THSD7A: variants seen among roughly 807,000 people sequenced by gnomAD.
The protein encoded by THSD7A is thrombospondin type 1 domain containing 7A, also known as thrombospondin type-1 domain-containing protein 7A.
THSD7A carries 96 observed loss-of-function variants against 231.3 expected under a neutral mutation model. That is an observed-to-expected ratio of 0.41 (90% CI 0.35 to 0.49). THSD7A has a LOEUF of 0.49. Ranked by LOEUF, THSD7A falls within the 20% of genes least tolerant of loss-of-function variation. THSD7A has a pLI of 0.05. For synonymous variants in THSD7A, 940 were observed against 743.3 expected (o/e 1.26, Z -4.30); for missense variants, 2,290 against 2,070.2 (o/e 1.11, Z -2.06).
intron 11 of THSD7A, among the ~76,000 whole-genome samples, chr7:11,459,719 T>C (rs1287676364): frequency 2.2e-5 from 3 of 136,806 alleles, no homozygotes; most frequent in Non-Finnish European, 4.6e-5. Context: ...AGAAGCATTT[T>C]TTTCTTAAAA....
chr7:11,493,425 C>T (rs1053894986), intron 6 of THSD7A, among the ~76,000 whole-genome samples: 1 of 152,044 alleles, frequency 6.6e-6, no homozygotes, highest in African/African-American at 2.4e-5. Flanking sequence ...TTCTAAAAAT[C>T]CTATCTTCAG....
chr7:11,435,062 C>G (rs950881108), intron 13 of THSD7A, among the ~76,000 whole-genome samples: 2 of 151,716 alleles, frequency 1.3e-5, no homozygotes, highest in African/African-American at 4.8e-5. Context: ...TTCATATCTG[C>G]TAAGTATTTA....
At position 11,384,746 on chromosome 7, in the gene THSD7A, G is replaced by C. The variant is rs542802977; in HGVS notation, c.4412-2130C>G. The C allele has an allele frequency of 4.6e-5, 7 of 151,970 alleles. No individual in the cohort carries two copies. In the South Asian group the frequency reaches 6.2e-4, roughly 14 times the overall value. The allele number at this position is 151,970 out of a possible 1,614,324, so 9.4% of individuals were successfully genotyped here. On this transcript the variant is annotated intron_variant, in intron 23 of 27. Coordinates refer to ENST00000423059, the MANE Select transcript of THSD7A (RefSeq NM_015204.3). ...TTTAACTATTGATGCTTTAGAGTAAGTCTTGATATAAAGCCATGTAAGTCC... is the reference window on the plus strand; with the variant it reads ...TTTAACTATTGATGCTTTAGAGTAACTCTTGATATAAAGCCATGTAAGTCC...
intron 2 of THSD7A, among the ~76,000 whole-genome samples, chr7:11,622,670 A>G (rs757970284): frequency 1.3e-5 from 2 of 152,134 alleles, no homozygotes; most frequent in Non-Finnish European, 2.9e-5. Context: ...TATCTTAAAC[A>G]GGACCACCAG....
chr7:11,689,915 G>T (rs534168637), intron 1 of THSD7A, among the ~76,000 whole-genome samples: 1 of 149,056 alleles, frequency 6.7e-6, no homozygotes, highest in African/African-American at 2.4e-5. Flanking sequence ...CAAATCTTTA[G>T]TTGTTACTAC....
At chr7:11,476,843 T>TAAAAAAAAAAAAA (rs1562641302) in intron 7 of THSD7A, among the ~76,000 whole-genome samples, 1 of 131,694 alleles carries the variant, frequency 7.6e-6, no homozygotes, top group African/African-American at 2.5e-5. Flanking sequence ...AAAGATAGTG[T>TAAAAAAAAAAAAA]AGAAAGCGAT....
chr7:11,408,283 C>T (rs1272803310), intron 19 of THSD7A, among the ~76,000 whole-genome samples: 1 of 151,956 alleles, frequency 6.6e-6, no homozygotes, highest in South Asian at 2.1e-4. Context: ...CCGAGGTGGG[C>T]GGATCACCTG....
chr7:11,490,690 T>C (rs1441922283), intron 6 of THSD7A, among the ~76,000 whole-genome samples: 1 of 152,084 alleles, frequency 6.6e-6, no homozygotes, highest in Non-Finnish European at 1.5e-5. Flanking sequence ...TGTGATTTCA[T>C]TCCTCTCAGT....
At chr7:11,557,862 G>T (rs1286708388) in intron 4 of THSD7A, among the ~76,000 whole-genome samples, 5 of 152,102 alleles carry the variant, frequency 3.3e-5, no homozygotes, top group Non-Finnish European at 5.9e-5. Context: ...CCACCTAGTG[G>T]GAGTGTTGAG....
chr7:11,634,812 TGAGA>T lies in THSD7A; in HGVS notation c.1022+1314_1022+1317del, dbSNP rs2128359460. On this transcript the variant is annotated intron_variant, in intron 2 of 27. Coordinates refer to ENST00000423059, the MANE Select transcript of THSD7A (RefSeq NM_015204.3). The surrounding 1 kb of genome is among the most constrained non-coding windows in gnomAD (Gnocchi z 4.1). Reference sequence around the variant, plus strand: ...AAAAACAGTAACCAGAACTCTATGATGAGAGAAAGTTATTGTCTTAGACAGACCA... The same window carrying T: ...AAAAACAGTAACCAGAACTCTATGATGAAAGTTATTGTCTTAGACAGACCA... 6.6e-6 allele frequency among the ~76,000 whole-genome samples: 1 copy of T among 152,200 alleles called. No individual in the cohort carries two copies. Among genetic ancestry groups the T allele is most frequent in the Admixed American group, 6.5e-5 (1 of 15,288 alleles).
At chr7:11,463,271 A>G (rs895305051) in intron 9 of THSD7A, among the ~76,000 whole-genome samples, 1 of 152,178 alleles carries the variant, frequency 6.6e-6, no homozygotes, top group African/African-American at 2.4e-5. Flanking sequence ...ATATTCTTCA[A>G]CACGGTCTGG....
At chr7:11,389,846 G>T (rs1164244804) in intron 23 of THSD7A, among the ~76,000 whole-genome samples, 4 of 152,154 alleles carry the variant, frequency 2.6e-5, no homozygotes, top group Non-Finnish European at 5.9e-5. Context: ...TGTCTGTAAA[G>T]AATTTTATTT....
chr7:11,415,885 C>G (rs1348341258), intron 17 of THSD7A, among the ~76,000 whole-genome samples: 2 of 152,138 alleles, frequency 1.3e-5, no homozygotes, highest in Admixed American at 6.5e-5. Flanking sequence ...GTTTCTGAAC[C>G]TCACTTCTGT....
At chr7:11,547,222 G>A (rs544482651) in intron 4 of THSD7A, among the ~76,000 whole-genome samples, 6 of 152,222 alleles carry the variant, frequency 3.9e-5, no homozygotes, top group Admixed American at 2.0e-4. Flanking sequence ...ACAGATTATT[G>A]ACACTATAAA....
At chr7:11,660,990 C>T (rs530502316) in intron 1 of THSD7A, among the ~76,000 whole-genome samples, 3 of 151,430 alleles carry the variant, frequency 2.0e-5, no homozygotes, top group South Asian at 4.2e-4. Context: ...AACTTTTACC[C>T]TGGAGGTATT....
At chr7:11,656,420 C>A (rs977637680) in intron 1 of THSD7A, among the ~76,000 whole-genome samples, 1 of 151,812 alleles carries the variant, frequency 6.6e-6, no homozygotes, top group Non-Finnish European at 1.5e-5. Flanking sequence ...CATAGGGGCT[C>A]ACAGTTCACA....
intron 1 of THSD7A, among the ~76,000 whole-genome samples, chr7:11,794,123 T>A (rs1265984371): frequency 6.6e-6 from 1 of 151,964 alleles, no homozygotes; most frequent in East Asian, 1.9e-4. Context: ...TTCTAACATA[T>A]GTAATTTCCA....
chr7:11,750,330 C>A (rs181256067), intron 1 of THSD7A, among the ~76,000 whole-genome samples: 1 of 151,724 alleles, frequency 6.6e-6, no homozygotes, highest in East Asian at 1.9e-4. Flanking sequence ...CAAATCAGGA[C>A]GGTATCAGTA....
chr7:11,446,167 T>A lies in THSD7A; in HGVS notation c.2958A>T (p.Lys986Asn), dbSNP rs202221788. The A allele has an allele frequency of 6.2e-7, 1 of 1,613,546 alleles. No homozygotes were observed. Among genetic ancestry groups the A allele is most frequent in the African/African-American group, 1.3e-5 (1 of 75,008 alleles). ...EGKVEVLLGM[K>N]VQGDIKECGQ... ...CGCATTCCTTGATGTCTCCTTGTACTTTCATTCCCAGCAACACTTCCACTT... is the reference window on the plus strand; with the variant it reads ...CGCATTCCTTGATGTCTCCTTGTACATTCATTCCCAGCAACACTTCCACTT... Residue 986 changes from lysine (K) to asparagine (N), a missense_variant, in exon 13 of 28, where the codon AAA (lysine) becomes AAT (asparagine). By Grantham distance (94) the Lys-to-Asn change is moderately conservative. Coordinates refer to ENST00000423059, the MANE Select transcript of THSD7A (RefSeq NM_015204.3). The surrounding 1 kb of genome is among the most constrained non-coding windows in gnomAD (Gnocchi z 4.0).
Sources: allele counts gnomAD v4.1 joint callset (sites outside exome capture counted in the v4.1 genomes callset), GRCh38; gene constraint gnomAD v4.1.1; non-coding constraint Gnocchi (gnomAD v3.1); transcripts MANE v1.5; gene names NCBI Gene and HGNC (gene_info 2026-07-23, HGNC 2026-07-21).